LRRC37A: variants seen among roughly 807,000 people sequenced by gnomAD.
LRRC37A encodes leucine-rich repeat-containing protein 37A.
A neutral mutation model predicts 35.4 loss-of-function variants in LRRC37A; 3 were observed. The observed-to-expected ratio is 0.08, with a 90% CI of 0.04 to 0.22. LRRC37A has a LOEUF of 0.22. Among genes scored for constraint, LRRC37A ranks in the 10% least tolerant of loss-of-function variants. The probability of loss-of-function intolerance (pLI) is 1.00; values close to 1 mark genes in which losing one functional copy is unlikely to be tolerated. For missense variants in LRRC37A, 67 were observed against 565.3 expected (o/e 0.12, Z 8.94); for synonymous variants, 23 against 215.0 (o/e 0.11, Z 7.81).
chr17:46,253,510 G>T, the LRRC37A span, among the ~76,000 whole-genome samples: 1 of 152,226 alleles, frequency 6.6e-6, no homozygotes, highest in South Asian at 2.1e-4. Context: ...ACCTCGGGAG[G>T]CCGAGGCTGG....
At chr17:46,259,034 T>C in the LRRC37A span, among the ~76,000 whole-genome samples, 15 of 121,008 alleles carry the variant, frequency 1.2e-4, no homozygotes, top group Non-Finnish European at 2.0e-4. Flanking sequence ...TTTTTTTTTT[T>C]TTTTTTTTTT....
chr17:46,285,316 C>T, the LRRC37A span, among the ~76,000 whole-genome samples: 1 of 151,092 alleles, frequency 6.6e-6, no homozygotes, highest in Non-Finnish European at 1.5e-5. Context: ...TCTTGGCTCA[C>T]TGCAACCTCT....
chr17:46,332,954 G>T lies in LRRC37A; in HGVS notation c.4809+298G>T, dbSNP rs1162307582. ...CCACCCAAAACTATGTCAACAATTG[G>T]ATGTACTCATCAAGTCACCCTTACT... On this transcript the variant is annotated intron_variant, in intron 10 of 13. Coordinates refer to ENST00000320254, the Ensembl canonical transcript of LRRC37A. Among the ~76,000 whole-genome samples, 12 of 151,216 alleles carry T rather than the reference G, an allele frequency of 7.9e-5. 1 individual carries two copies. Among genetic ancestry groups the T allele is most frequent in the Admixed American group, 2.0e-4 (3 of 15,116 alleles).
the LRRC37A span, among the ~76,000 whole-genome samples, chr17:46,277,459 A>G: frequency 1.3e-5 from 2 of 152,196 alleles, no homozygotes; most frequent in Non-Finnish European, 2.9e-5. Context: ...CAATTTAAAA[A>G]AGCAATTTTA....
the LRRC37A span, among the ~76,000 whole-genome samples, chr17:46,283,592 T>C: frequency 6.6e-6 from 1 of 152,266 alleles, no homozygotes; most frequent in African/African-American, 2.4e-5. Flanking sequence ...ACTCAAAGCT[T>C]GGTCGGAAGA....
At chr17:46,276,653 T>C in the LRRC37A span, among the ~76,000 whole-genome samples, 1 of 152,224 alleles carries the variant, frequency 6.6e-6, no homozygotes, top group East Asian at 1.9e-4. Flanking sequence ...TGGAAACCCA[T>C]AATAAAATCA....
chr17:46,254,337 A>G, the LRRC37A span, among the ~76,000 whole-genome samples: 1 of 152,122 alleles, frequency 6.6e-6, no homozygotes, highest in South Asian at 2.1e-4. Context: ...AGAAATGTGT[A>G]GATCAGGAAA....
At chr17:46,257,804 A>G in the LRRC37A span, among the ~76,000 whole-genome samples, 2 of 134,258 alleles carry the variant, frequency 1.5e-5, no homozygotes, top group Non-Finnish European at 3.2e-5. Context: ...CCTAGGCGAC[A>G]GAGTGAGGCC....
the LRRC37A span, among the ~76,000 whole-genome samples, chr17:46,254,707 ATT>A: frequency 1.6e-3 from 233 of 142,860 alleles, no homozygotes; most frequent in Middle Eastern, 0.014. Context: ...GCGCCTGGCA[ATT>A]TTTTTTTTTT....
chr17:46,285,414 G>C, the LRRC37A span, among the ~76,000 whole-genome samples: 1 of 151,814 alleles, frequency 6.6e-6, no homozygotes, highest in Non-Finnish European at 1.5e-5. Flanking sequence ...CTAGTTTTTT[G>C]TATTTTTAGT....
the LRRC37A span, among the ~76,000 whole-genome samples, chr17:46,259,019 A>ATTTTTTTTTTTTTTTT: frequency 5.5e-4 from 44 of 79,444 alleles, 4 homozygotes; most frequent in Non-Finnish European, 7.4e-4. Flanking sequence ...CACCCGGCCT[A>ATTTTTTTTTTTTTTTT]TTTTTTTTTT....
chr17:46,285,579 C>T, the LRRC37A span, among the ~76,000 whole-genome samples: 4 of 152,178 alleles, frequency 2.6e-5, no homozygotes, highest in African/African-American at 9.7e-5. Flanking sequence ...TAACTATAAT[C>T]TAATCATACT....
At chr17:46,275,283 G>A in the LRRC37A span, 1 of 592,240 alleles carries the variant, frequency 1.7e-6, no homozygotes, top group Non-Finnish European at 2.8e-6. Context: ...GTCAAGTCTT[G>A]TCAGGATAGC....
chr17:46,250,994 A>G, the LRRC37A span, among the ~76,000 whole-genome samples: 1 of 151,796 alleles, frequency 6.6e-6, no homozygotes, highest in African/African-American at 2.4e-5. Context: ...CACAATTGTG[A>G]CTCACTGCTT....
At chr17:46,254,147 G>A in the LRRC37A span, among the ~76,000 whole-genome samples, 1 of 152,136 alleles carries the variant, frequency 6.6e-6, no homozygotes, top group Non-Finnish European at 1.5e-5. Context: ...TTGCCTGCGG[G>A]ACTTCTGCTA....
chr17:46,280,395 C>T, the LRRC37A span, among the ~76,000 whole-genome samples: 1 of 151,930 alleles, frequency 6.6e-6, no homozygotes, highest in East Asian at 1.9e-4. Flanking sequence ...AATTTCTAGC[C>T]CAGTGCAGTG....
chr17:46,274,540 G>T, the LRRC37A span, among the ~76,000 whole-genome samples: 1 of 152,182 alleles, frequency 6.6e-6, no homozygotes, highest in African/African-American at 2.4e-5. Context: ...GTACTTTTAC[G>T]TACAGGAATC....
the LRRC37A span, among the ~76,000 whole-genome samples, chr17:46,265,309 CT>C: frequency 2.1e-5 from 2 of 96,062 alleles, no homozygotes; most frequent in African/African-American, 7.9e-5. Context: ...TCTTCTTCTT[CT>C]TCTTCCTCTT....
chr17:46,280,595 GCAGAGTCTC>G, the LRRC37A span, among the ~76,000 whole-genome samples: 1 of 96,482 alleles, frequency 1.0e-5, no homozygotes, highest in Non-Finnish European at 2.2e-5. Context: ...TTTTTCCTGA[GCAGAGTCTC>G]ACTCTGACAC....
Sources: allele counts gnomAD v4.1 joint callset (sites outside exome capture counted in the v4.1 genomes callset), GRCh38; gene constraint gnomAD v4.1.1; transcripts MANE v1.5; gene names NCBI Gene and HGNC (gene_info 2026-07-23, HGNC 2026-07-21).